NXPH1: variants seen among roughly 807,000 people sequenced by gnomAD.
NXPH1 encodes the protein neurexophilin 1, also known as neurexophilin-1.
NXPH1 carries 5 observed loss-of-function variants against 23.7 expected under a neutral mutation model. The observed-to-expected ratio is 0.21, with a 90% CI of 0.11 to 0.44. The LOEUF is 0.44. Among genes scored for constraint, NXPH1 ranks in the 20% least tolerant of loss-of-function variants. The pLI is 0.99. For synonymous variants in NXPH1, 144 were observed against 122.2 expected, an observed-to-expected ratio of 1.18 and a Z score of -1.18; for missense variants, 324 against 321.6, an observed-to-expected ratio of 1.01 and a Z score of -0.06.
intron 2 of NXPH1, among the ~76,000 whole-genome samples, chr7:8,485,116 G>T (rs536921267): frequency 6.6e-6 from 1 of 152,208 alleles, no homozygotes; most frequent in East Asian, 1.9e-4. Context: ...GGAGGGACCC[G>T]GTGCAAGGCA....
At chr7:8,621,702 T>C (rs1300686108) in intron 2 of NXPH1, among the ~76,000 whole-genome samples, 1 of 152,118 alleles carries the variant, frequency 6.6e-6, no homozygotes, top group Non-Finnish European at 1.5e-5. Flanking sequence ...ACAAGGCTAG[T>C]CTCAAACTCC....
At chr7:8,567,974 G>A (rs10234838) in intron 2 of NXPH1, among the ~76,000 whole-genome samples, 3,846 of 151,914 alleles carry the variant, frequency 0.025, 162 homozygotes, top group East Asian at 0.14. Context: ...AAATAATTTG[G>A]CCGAATACAG....
chr7:8,695,984 A>T (rs1164155930), intron 2 of NXPH1, among the ~76,000 whole-genome samples: 1 of 152,226 alleles, frequency 6.6e-6, no homozygotes, highest in Non-Finnish European at 1.5e-5. Context: ...AGGGATTTGG[A>T]AGCATAGTCT....
In NXPH1 at chr7:8,442,940, G is replaced by A. The variant is rs1239242075; in HGVS notation, c.54+7173G>A. Reference sequence around the variant, plus strand: ...TATAAGATTTGATCGCGGGCAGGCGGGCGTGGGGCACGCCAGGGCCGGGAG... The same window carrying A: ...TATAAGATTTGATCGCGGGCAGGCGAGCGTGGGGCACGCCAGGGCCGGGAG... On this transcript the variant is annotated intron_variant, in intron 2 of 2. Transcript: ENST00000405863. The surrounding 1 kb of genome is among the most constrained non-coding windows in gnomAD (Gnocchi z 4.6). Among the ~76,000 whole-genome samples the A allele has an allele frequency of 6.6e-6, 1 of 152,252 alleles. No homozygotes were observed. Among genetic ancestry groups the A allele is most frequent in the Non-Finnish European group, 1.5e-5 (1 of 68,042 alleles).
intron 2 of NXPH1, among the ~76,000 whole-genome samples, chr7:8,529,553 C>G (rs561169990): frequency 1.3e-5 from 2 of 152,296 alleles, no homozygotes; most frequent in East Asian, 3.9e-4. Context: ...AGTACAGTGG[C>G]TAAGTGTGGA....
At chr7:8,651,837 G>C (rs1820495956) in intron 2 of NXPH1, among the ~76,000 whole-genome samples, 1 of 152,128 alleles carries the variant, frequency 6.6e-6, no homozygotes, top group South Asian at 2.1e-4. Context: ...GAAAATGCTT[G>C]TAATGGATAA....
chr7:8,565,911 C>T (rs189297893), intron 2 of NXPH1, among the ~76,000 whole-genome samples: 478 of 151,886 alleles, frequency 3.1e-3, no homozygotes, highest in African/African-American at 0.011. Flanking sequence ...TCCCACAAAC[C>T]TCACTGTAGC....
chr7:8,572,358 T>C (rs906319515), intron 2 of NXPH1, among the ~76,000 whole-genome samples: 1 of 151,924 alleles, frequency 6.6e-6, no homozygotes, highest in African/African-American at 2.4e-5. Context: ...CAAACATGTA[T>C]ATATTCAATT....
chr7:8,460,293 C>G (rs1816671344), intron 2 of NXPH1, among the ~76,000 whole-genome samples: 1 of 152,082 alleles, frequency 6.6e-6, no homozygotes, highest in South Asian at 2.1e-4. Flanking sequence ...TTCATTCTCC[C>G]TAATGGCCTT....
intron 2 of NXPH1, among the ~76,000 whole-genome samples, chr7:8,730,584 T>A (rs1279285246): frequency 6.6e-6 from 1 of 152,122 alleles, no homozygotes; most frequent in Non-Finnish European, 1.5e-5. Flanking sequence ...GTACTTTATT[T>A]CTCCTTCACT....
At chr7:8,696,305 G>A (rs1779503504) in intron 2 of NXPH1, among the ~76,000 whole-genome samples, 1 of 152,122 alleles carries the variant, frequency 6.6e-6, no homozygotes, top group Non-Finnish European at 1.5e-5. Context: ...ATTCTTTCCT[G>A]AATTCACTCT....
Position 8,751,921 on chromosome 7 carries a change from T to G in NXPH1, c.*152T>G. 1 of 680,732 alleles carries G rather than the reference T, an allele frequency of 1.5e-6. No individual in the cohort carries two copies. Among genetic ancestry groups the G allele is most frequent in the Non-Finnish European group, 2.4e-6 (1 of 417,298 alleles). 42.2% of individuals were successfully genotyped at this position (680,732 alleles called of 1,614,324 possible). A position where few individuals can be genotyped will look rare whatever the true frequency, so the allele number is the denominator to read the frequency against. ...TGCAAAATACACTAGTGGAAAACAC[T>G]CTGATGTAATTTCTGCCCAGTCAGC... On this transcript the variant is annotated 3_prime_UTR_variant, in exon 3 of 3. Coordinates refer to ENST00000405863, the MANE Select transcript of NXPH1 (RefSeq NM_152745.3). The surrounding 1 kb of genome is among the most constrained non-coding windows in gnomAD (Gnocchi z 4.5).
intron 2 of NXPH1, among the ~76,000 whole-genome samples, chr7:8,519,721 A>G (rs1377101467): frequency 6.6e-6 from 1 of 152,178 alleles, no homozygotes; most frequent in Non-Finnish European, 1.5e-5. Context: ...CTTGAAAGCC[A>G]TGCATGGGCT....
chr7:8,464,568 A>G (rs576304742), intron 2 of NXPH1, among the ~76,000 whole-genome samples: 3 of 152,322 alleles, frequency 2.0e-5, no homozygotes, highest in Admixed American at 2.0e-4. Flanking sequence ...CACCTCCTTA[A>G]CATATATCAC....
At chr7:8,597,455 A>G (rs11983053) in intron 2 of NXPH1, among the ~76,000 whole-genome samples, 1,940 of 152,128 alleles carry the variant, frequency 0.013, 39 homozygotes, top group African/African-American at 0.044. Context: ...TGGGGAAGAT[A>G]GTGAGTTTGA....
chr7:8,443,698 C>A (rs867531715), intron 2 of NXPH1, among the ~76,000 whole-genome samples: 1 of 152,238 alleles, frequency 6.6e-6, no homozygotes, highest in South Asian at 2.1e-4. Context: ...AAGTTCCTGG[C>A]TCGCCTTTAA....
At chr7:8,482,177 G>T (rs1183585907) in intron 2 of NXPH1, among the ~76,000 whole-genome samples, 1 of 152,290 alleles carries the variant, frequency 6.6e-6, no homozygotes, top group East Asian at 1.9e-4. Context: ...AGCTTGAACA[G>T]CTGGGGCTAA....
At chr7:8,738,940 C>T (rs1780311015) in intron 2 of NXPH1, among the ~76,000 whole-genome samples, 1 of 151,950 alleles carries the variant, frequency 6.6e-6, no homozygotes, top group Non-Finnish European at 1.5e-5. Context: ...GGAAAATCGC[C>T]TACTCAAGCC....
intron 2 of NXPH1, among the ~76,000 whole-genome samples, chr7:8,492,666 A>C (rs1563326315): frequency 6.6e-6 from 1 of 151,956 alleles, no homozygotes; most frequent in Non-Finnish European, 1.5e-5. Flanking sequence ...CATCATCATC[A>C]CTGCTATGAC....
Sources: gnomAD v4.1 joint callset for allele counts (sites outside exome capture counted in the v4.1 genomes callset) on GRCh38, gnomAD v4.1.1 for gene constraint, Gnocchi (gnomAD v3.1) non-coding constraint, MANE v1.5 for transcripts, NCBI Gene and HGNC (gene_info 2026-07-23, HGNC 2026-07-21) for gene names.